The following RYR3 variants were observed in gnomAD, a reference collection of about 807,000 sequenced individuals.
The protein encoded by RYR3 is ryanodine receptor 3.
In RYR3, 207 loss-of-function variants were observed where a neutral mutation model predicts 584.3. That is an observed-to-expected ratio of 0.35 (90% confidence interval 0.32 to 0.40). RYR3 has a LOEUF of 0.40. Ranked by LOEUF, RYR3 falls within the 10% of genes least tolerant of loss-of-function variation. The probability of loss-of-function intolerance (pLI) is 1.00; values close to 1 mark genes in which losing one functional copy is unlikely to be tolerated. For missense variants in RYR3, 5,616 were observed against 6,089.2 expected, an observed-to-expected ratio of 0.92 and a Z score of 2.59; for synonymous variants, 2,416 against 2,248.5, an observed-to-expected ratio of 1.07 and a Z score of -2.11.
intron 51 of RYR3, among the ~76,000 whole-genome samples, chr15:33,742,142 A>G (rs45501293): frequency 0.18 from 27,681 of 152,098 alleles, 2,749 homozygotes; most frequent in African/African-American, 0.26. Flanking sequence ...AGGCTCCTGC[A>G]GAGATGTTCC....
At chr15:33,859,444 C>A in intron 99 of RYR3, 131 bp from the exon 100 acceptor site, 3 of 856,486 alleles carry the variant, frequency 3.5e-6, no homozygotes, top group Non-Finnish European at 5.5e-6. Context: ...TGAATACTGG[C>A]ACCTCTGAAG....
intron 89 of RYR3, chr15:33,839,786 G>A (rs1168454094): frequency 6.6e-6 from 1 of 152,204 alleles, no homozygotes; most frequent in Non-Finnish European, 1.5e-5. Flanking sequence ...GAAATGTCAG[G>A]TACTATAGTT....
chr15:33,774,587 T>C (rs750465663), intron 64 of RYR3, among the ~76,000 whole-genome samples: 2 of 152,214 alleles, frequency 1.3e-5, no homozygotes, highest in African/African-American at 2.4e-5. Context: ...CTTGAAGTCA[T>C]GTACTAGAAA....
intron 46 of RYR3, among the ~76,000 whole-genome samples, chr15:33,728,531 A>C (rs1464399758): frequency 6.6e-6 from 1 of 152,208 alleles, no homozygotes; most frequent in Non-Finnish European, 1.5e-5. Context: ...CCTTATCCTA[A>C]ATGCTTGGGA....
rs978709508 is a variant in RYR3, at chr15:33,738,543, C to G, written c.7609C>G (p.Leu2537Val). 1.2e-6 allele frequency: 2 copies of G among 1,613,856 alleles called. No homozygotes were observed. Among genetic ancestry groups the G allele is most frequent in the African/African-American group, 2.7e-5 (2 of 74,908 alleles). ...GCTAGCTGTGGAAGAAGAGCTGCAC[C>G]TAACGGAGAAGCTTTTCTGGGGGAT... ...YGLAVEEELH[L>V]TEKLFWGIFD... Residue 2537 changes from leucine to valine, a missense_variant, in exon 50 of 104, where the codon CTA (leucine) becomes GTA (valine). This residue lies in a region of RYR3 where 1,280 missense variants were observed against 1,426.2 expected (regional missense o/e 0.90). Coordinates refer to ENST00000634891, the MANE Select transcript of RYR3 (RefSeq NM_001036.6).
intron 74 of RYR3, chr15:33,815,874 G>T (rs1485919972): frequency 2.5e-6 from 1 of 398,434 alleles, no homozygotes; most frequent in South Asian, 1.3e-4. Context: ...CTTTCAACAA[G>T]TTTGGCTGGA....
At chr15:33,611,712 G>A (rs921374981) in intron 18 of RYR3, among the ~76,000 whole-genome samples, 3 of 152,034 alleles carry the variant, frequency 2.0e-5, no homozygotes, top group Non-Finnish European at 2.9e-5. Flanking sequence ...AGGCTGGAGC[G>A]CAGTGGCATG....
intron 31 of RYR3, among the ~76,000 whole-genome samples, chr15:33,649,913 A>C (rs990756427): frequency 6.6e-6 from 1 of 152,142 alleles, no homozygotes; most frequent in African/African-American, 2.4e-5. Flanking sequence ...TCTTTTCCCT[A>C]TACAGCCATA....
intron 2 of RYR3, among the ~76,000 whole-genome samples, chr15:33,492,540 G>T (rs1315782533): frequency 6.6e-6 from 1 of 151,804 alleles, no homozygotes; most frequent in East Asian, 1.9e-4. Context: ...CAGTTTGAGA[G>T]TAGGAAGAAG....
intron 20 of RYR3, among the ~76,000 whole-genome samples, chr15:33,625,289 C>T (rs1004030668): frequency 5.9e-5 from 9 of 152,240 alleles, no homozygotes; most frequent in Admixed American, 1.3e-4. Context: ...GCCCTTCCCC[C>T]GACATGTGGG....
At chr15:33,800,569 A>G (rs1217516661) in intron 67 of RYR3, among the ~76,000 whole-genome samples, 1 of 152,214 alleles carries the variant, frequency 6.6e-6, no homozygotes, top group Admixed American at 6.5e-5. Flanking sequence ...AGATCTTTCA[A>G]GAAATCTACT....
Position 33,766,126 on chromosome 15 carries a change from C to CA in RYR3, c.8706-2524dup, listed in dbSNP as rs566473054. ...CAAAACCCTGTCTCTACTAAAAAAA[C>CA]AAAAAAAATAGCTGGGCGTGGTGGC... On this transcript the variant is annotated intron_variant, in intron 60 of 103. Transcript: ENST00000634891. Among the ~76,000 whole-genome samples, 34 of 150,676 alleles carry CA rather than the reference C, an allele frequency of 2.3e-4. 1 individual carries two copies. In the South Asian group the frequency reaches 4.4e-3, roughly 19 times the overall value.
At chr15:33,513,761 T>A (rs1405247391) in intron 3 of RYR3, among the ~76,000 whole-genome samples, 1 of 152,168 alleles carries the variant, frequency 6.6e-6, no homozygotes, top group African/African-American at 2.4e-5. Flanking sequence ...GTATTCCCAC[T>A]CTCTGGTCCT....
chr15:33,490,643 T>C lies in RYR3; in HGVS notation c.172-12988T>C, dbSNP rs191673115. 1.1e-4 allele frequency among the ~76,000 whole-genome samples: 17 copies of C among 152,138 alleles called. No homozygotes were observed. The East Asian group carries it at 3.3e-3, about 29-fold the overall frequency. On this transcript the variant is annotated intron_variant, in intron 2 of 103. Transcript: ENST00000634891. ...CTTTTACCTAAAGATGAAGAGAGCT[T>C]TTAGAATTTAATACAAGCTGTGAAA...
At chr15:33,340,746 G>T (rs1016446844) in intron 1 of RYR3, among the ~76,000 whole-genome samples, 10 of 151,996 alleles carry the variant, frequency 6.6e-5, no homozygotes, top group Non-Finnish European at 1.2e-4. Context: ...CTCTTTAAAG[G>T]CCCTATCTCC....
At chr15:33,387,983 A>T (rs999334776) in intron 1 of RYR3, among the ~76,000 whole-genome samples, 10 of 152,190 alleles carry the variant, frequency 6.6e-5, no homozygotes, top group Non-Finnish European at 1.3e-4. Flanking sequence ...TCACAACACT[A>T]AAAAACAAGA....
chr15:33,834,876 C>A, intron 86 of RYR3, 92 bp from the exon 87 acceptor site: 1 of 821,284 alleles, frequency 1.2e-6, no homozygotes, highest in Non-Finnish European at 2.0e-6. Flanking sequence ...AGTCTATCTG[C>A]TCATATAAGT....
chr15:33,390,509 G>C lies in RYR3; in HGVS notation c.51+79413G>C, dbSNP rs1051687219. ...TGATGCTGAAAATAGGGGAAAGTTC[G>C]ACGCATTTGTTTTCACGACTTCTTC... On this transcript the variant is annotated intron_variant, in intron 1 of 103. Coordinates refer to ENST00000634891, the MANE Select transcript of RYR3 (RefSeq NM_001036.6). This position sits in a 1 kb window ranked among gnomAD's most constrained non-coding sequence, Gnocchi z 4.2. Among the ~76,000 whole-genome samples, 1 of 152,096 alleles carries C rather than the reference G, an allele frequency of 6.6e-6. No individual in the cohort carries two copies. Among genetic ancestry groups the C allele is most frequent in the African/African-American group, 2.4e-5 (1 of 41,402 alleles).
In RYR3 at chr15:33,581,724, G is replaced by T. The variant is rs183936018; in HGVS notation, c.1573+81G>T. The T allele has an allele frequency of 5.7e-5, 73 of 1,272,644 alleles. No individual in the cohort carries two copies. In the African/African-American group the frequency reaches 8.2e-4, roughly 14 times the overall value. 78.8% of individuals were successfully genotyped at this position (1,272,644 alleles called of 1,614,324 possible). A position where few individuals can be genotyped will look rare whatever the true frequency, so the allele number is the denominator to read the frequency against. ...GCAATCCCAAGATTGTCTTTAACTT[G>T]CCATTAACCCTGTGATACTTGGACT... is the stretch of plus-strand genomic sequence containing the variant. On this transcript the variant is annotated intron_variant, in intron 14 of 103. Coordinates refer to ENST00000634891, the MANE Select transcript of RYR3 (RefSeq NM_001036.6).
Sources: gnomAD v4.1 joint callset for allele counts (sites outside exome capture counted in the v4.1 genomes callset) on GRCh38, gnomAD v4.1.1 for gene constraint, gnomAD v4.1.1 regional missense constraint, Gnocchi (gnomAD v3.1) non-coding constraint, MANE v1.5 for transcripts, NCBI Gene and HGNC (gene_info 2026-07-23, HGNC 2026-07-21) for gene names.